Variants in SNTG1 observed in about 807,000 individuals in gnomAD.
The protein encoded by SNTG1 is gamma-1-syntrophin.
SNTG1 carries 39 observed loss-of-function variants against 74.7 expected under a neutral mutation model. The ratio of observed to expected loss-of-function variants is 0.52; its 90% confidence interval spans 0.40 to 0.68. The LOEUF is 0.68. Among genes scored for constraint, SNTG1 ranks in the 30% least tolerant of loss-of-function variants. The pLI is 0.00. For missense variants in SNTG1, 685 were observed against 609.5 expected (o/e 1.12, Z -1.30); for synonymous variants, 254 against 217.1 (o/e 1.17, Z -1.49).
At chr8:50,334,579 A>G (rs1251196777) in intron 2 of SNTG1, among the ~76,000 whole-genome samples, 1 of 151,944 alleles carries the variant, frequency 6.6e-6, no homozygotes. Context: ...ATTTTACCTT[A>G]TTTCTGTAGC....
chr8:50,676,440 C>T (rs1010159647), intron 15 of SNTG1, among the ~76,000 whole-genome samples: 1 of 151,950 alleles, frequency 6.6e-6, no homozygotes, highest in African/African-American at 2.4e-5. Flanking sequence ...GTATGCTTCA[C>T]AAAGTTCTCG....
chr8:50,787,695 A>G (rs1169872419), intron 18 of SNTG1, among the ~76,000 whole-genome samples: 1 of 152,040 alleles, frequency 6.6e-6, no homozygotes, highest in Non-Finnish European at 1.5e-5. Flanking sequence ...TCTATGCCAC[A>G]ACATAGGTGC....
At chr8:50,020,562 A>G (rs1816731070) in intron 1 of SNTG1, among the ~76,000 whole-genome samples, 3 of 152,128 alleles carry the variant, frequency 2.0e-5, no homozygotes, top group South Asian at 2.1e-4. Context: ...TATAATAATG[A>G]TTGTCTAATT....
intron 2 of SNTG1, among the ~76,000 whole-genome samples, chr8:50,284,065 A>C (rs982670950): frequency 1.3e-5 from 2 of 152,054 alleles, no homozygotes. Flanking sequence ...GATAACACAT[A>C]GTATTTATTC....
At chr8:49,913,902 C>G (rs1337115337) in intron 1 of SNTG1, among the ~76,000 whole-genome samples, 1 of 152,130 alleles carries the variant, frequency 6.6e-6, no homozygotes, top group East Asian at 1.9e-4. Context: ...GGCCGCAGTT[C>G]CCTCCTCAGG....
At chr8:50,084,253 A>C (rs1822669713) in intron 1 of SNTG1, among the ~76,000 whole-genome samples, 1 of 152,164 alleles carries the variant, frequency 6.6e-6, no homozygotes, top group Non-Finnish European at 1.5e-5. Flanking sequence ...CGAGGTCAAG[A>C]GATCAAGGCC....
intron 13 of SNTG1, among the ~76,000 whole-genome samples, chr8:50,628,329 T>C (rs2094971281): frequency 6.6e-6 from 1 of 152,204 alleles, no homozygotes; most frequent in African/African-American, 2.4e-5. Context: ...ATTTCACTAT[T>C]CTTGAAACAA....
intron 1 of SNTG1, among the ~76,000 whole-genome samples, chr8:50,006,126 C>A (rs1465519332): frequency 6.6e-6 from 1 of 151,872 alleles, no homozygotes; most frequent in South Asian, 2.1e-4. Flanking sequence ...CCATGCCCAG[C>A]TAATTTTTGT....
chr8:49,981,240 TG>T (rs1812651993), intron 1 of SNTG1, among the ~76,000 whole-genome samples: 1 of 151,712 alleles, frequency 6.6e-6, no homozygotes, highest in Non-Finnish European at 1.5e-5. Context: ...TAATAGCAAA[TG>T]AAGAAAAGGA....
At chr8:50,657,562 A>C (rs1490416639) in intron 14 of SNTG1, among the ~76,000 whole-genome samples, 1 of 152,130 alleles carries the variant, frequency 6.6e-6, no homozygotes, top group Non-Finnish European at 1.5e-5. Flanking sequence ...AAATGATAGC[A>C]TCTTATCTAG....
In SNTG1 at chr8:50,103,868, G is replaced by T. The variant is rs192745848; in HGVS notation, c.-102-68693G>T. 8.4e-3 allele frequency among the ~76,000 whole-genome samples: 1,278 copies of T among 152,222 alleles called. 25 individuals are homozygous for T. Among genetic ancestry groups the T allele is most frequent in the African/African-American group, 0.029 (1,206 of 41,552 alleles). On this transcript the variant is annotated intron_variant, in intron 1 of 18. Transcript: ENST00000642720. ...GTTTATATGCTGGATTACATTTATT[G>T]ATTTGCAAATATTGAACCAGCCTTG...
rs758982990 is a variant in SNTG1 at position 50,449,675 on chromosome 8, C to A, written c.227C>A (p.Ala76Glu). ...ATGATTTTCTCTTTTCAGGGAGGAG[C>A]AGAACATAACATTCCAGTTGTCGTT... ...GGFGLSIKGG[A>E]EHNIPVVVSK... Residue 76 changes from alanine (A) to glutamate (E), a missense_variant, in exon 6 of 19, where the codon GCA (alanine) becomes GAA (glutamate). Ala to Glu is a moderately radical substitution (Grantham distance 107). Transcript: ENST00000642720. 6.3e-7 allele frequency: 1 copy of A among 1,591,608 alleles called. No homozygotes were observed. The highest frequency in any genetic ancestry group is 8.6e-7 in the Non-Finnish European group (1 of 1,167,440).
intron 6 of SNTG1, 81 bp from the exon 7 acceptor site, chr8:50,450,475 T>C (rs1377270671): frequency 2.8e-6 from 4 of 1,404,222 alleles, no homozygotes; most frequent in African/African-American, 2.9e-5. Context: ...TTGTAAATTT[T>C]ACCTTTATTT....
chr8:49,947,899 G>A (rs1809348898), intron 1 of SNTG1, among the ~76,000 whole-genome samples: 1 of 152,156 alleles, frequency 6.6e-6, no homozygotes, highest in Non-Finnish European at 1.5e-5. Flanking sequence ...GGGAGGCCGA[G>A]GTTGGCAGAT....
chr8:50,152,805 T>C (rs189923121), intron 1 of SNTG1, among the ~76,000 whole-genome samples: 30 of 152,340 alleles, frequency 2.0e-4, no homozygotes, highest in Non-Finnish European at 3.5e-4. Flanking sequence ...CCTTTGTGAG[T>C]AACCAGACTT....
At chr8:50,638,302 AC>A (rs1178532781) in intron 13 of SNTG1, among the ~76,000 whole-genome samples, 1 of 152,120 alleles carries the variant, frequency 6.6e-6, no homozygotes, top group Non-Finnish European at 1.5e-5. Flanking sequence ...GCTGTTATAA[AC>A]CACCAAGGTT....
intron 15 of SNTG1, among the ~76,000 whole-genome samples, chr8:50,694,788 A>G (rs1338059905): frequency 1.3e-5 from 2 of 152,196 alleles, no homozygotes; most frequent in South Asian, 4.1e-4. Context: ...TTGCAAATTA[A>G]TAAATGGGAT....
At position 50,370,579 on chromosome 8, in the gene SNTG1, G is replaced by A. The variant is rs377126267; in HGVS notation, c.-27-23633G>A. Among the ~76,000 whole-genome samples, 19 of 149,468 alleles carry A rather than the reference G, an allele frequency of 1.3e-4. No individual in the cohort carries two copies. The East Asian group carries it at 2.7e-3, about 21-fold the overall frequency. On this transcript the variant is annotated intron_variant, in intron 2 of 18. Coordinates refer to ENST00000642720, the MANE Select transcript of SNTG1 (RefSeq NM_018967.5). ...CACCTGCAATGATAGTAGTCTCCTC[G>A]CCCTTTCACCCCTGTCTGAAGGACT...
At chr8:50,231,036 T>A (rs1381065668) in intron 2 of SNTG1, among the ~76,000 whole-genome samples, 8 of 151,038 alleles carry the variant, frequency 5.3e-5, no homozygotes, top group Admixed American at 3.3e-4. Context: ...GGAACTCAAC[T>A]AACTCTAAAG....
Sources: gnomAD v4.1 joint callset for allele counts (sites outside exome capture counted in the v4.1 genomes callset) on GRCh38, gnomAD v4.1.1 for gene constraint, MANE v1.5 for transcripts, NCBI Gene and HGNC (gene_info 2026-07-23, HGNC 2026-07-21) for gene names.